EYA2: variants seen among roughly 807,000 people sequenced by gnomAD.
The protein encoded by EYA2 is EYA transcriptional coactivator and phosphatase 2, also known as protein phosphatase EYA2.
EYA2 carries 31 observed loss-of-function variants against 69.2 expected under a neutral mutation model. That is an observed-to-expected ratio of 0.45 (90% CI 0.34 to 0.60). The LOEUF is 0.60. Ranked by LOEUF, EYA2 falls within the 20% of genes least tolerant of loss-of-function variation. The pLI, the probability that EYA2 is intolerant of heterozygous loss-of-function variation, is 0.02. For synonymous variants in EYA2, 257 were observed against 279.4 expected, an observed-to-expected ratio of 0.92 and a Z score of 0.80; for missense variants, 622 against 701.2, an observed-to-expected ratio of 0.89 and a Z score of 1.28.
intron 5 of EYA2, among the ~76,000 whole-genome samples, chr20:47,058,463 G>T (rs2030739545): frequency 6.6e-6 from 1 of 152,234 alleles, no homozygotes; most frequent in South Asian, 2.1e-4. Flanking sequence ...GGGTGCGAGG[G>T]CGTTTATGGC....
intron 9 of EYA2, chr20:47,117,417 A>G: frequency 3.0e-6 from 3 of 985,344 alleles, no homozygotes; most frequent in Non-Finnish European, 3.6e-6. Context: ...GCAGATCCAG[A>G]GGCCAGGTCG....
rs749304662 is a variant in EYA2 at position 47,183,288 on chromosome 20, C to A, written c.1436-3C>A. ...TTTTTCTTTCCTTCCTGTGTGCGTG[C>A]AGGGAAGGAGAGCTGCTTCGAGAGG... is the stretch of plus-strand genomic sequence containing the variant. On this transcript the variant is annotated splice_region_variant and splice_polypyrimidine_tract_variant and intron_variant, in intron 14 of 15. Transcript: ENST00000327619. The A allele has an allele frequency of 7.4e-6, 12 of 1,613,332 alleles. No homozygotes were observed. The highest frequency in any genetic ancestry group is 1.7e-5 in the Admixed American group (1 of 59,886).
chr20:46,992,199 G>T (rs78345905), intron 2 of EYA2, among the ~76,000 whole-genome samples: 2 of 152,006 alleles, frequency 1.3e-5, no homozygotes, highest in Non-Finnish European at 2.9e-5. Context: ...ACAAACACTC[G>T]GCACTTGTCG....
chr20:46,982,933 C>A (rs951452104), intron 1 of EYA2, among the ~76,000 whole-genome samples: 1 of 151,624 alleles, frequency 6.6e-6, no homozygotes, highest in East Asian at 2.0e-4. Context: ...GCCACCACAC[C>A]TGGCTAATTT....
At chr20:47,119,027 G>A (rs1016549199) in intron 9 of EYA2, among the ~76,000 whole-genome samples, 1 of 152,152 alleles carries the variant, frequency 6.6e-6, no homozygotes, top group Non-Finnish European at 1.5e-5. Context: ...TGCTGCTCAC[G>A]ATGATAAGTG....
intron 5 of EYA2, among the ~76,000 whole-genome samples, chr20:47,028,064 G>A (rs1310879436): frequency 6.6e-6 from 1 of 152,128 alleles, no homozygotes; most frequent in African/African-American, 2.4e-5. Flanking sequence ...TCTTCAGAAT[G>A]GGATTGCTGT....
At chr20:46,953,037 C>T (rs1978898412) in intron 1 of EYA2, among the ~76,000 whole-genome samples, 1 of 152,152 alleles carries the variant, frequency 6.6e-6, no homozygotes, top group African/African-American at 2.4e-5. Context: ...CTGAGAGACC[C>T]AATATTTGAA....
intron 1 of EYA2, chr20:46,979,362 G>C (rs1980672642): frequency 1.3e-5 from 2 of 152,430 alleles, no homozygotes; most frequent in African/African-American, 4.8e-5. Context: ...CAGGCCAAGG[G>C]GGCCAGAGGG....
chr20:46,913,487 A>G (rs1042018109), intron 1 of EYA2, among the ~76,000 whole-genome samples: 1 of 152,204 alleles, frequency 6.6e-6, no homozygotes, highest in Non-Finnish European at 1.5e-5. Context: ...GAGGAAGGAC[A>G]TGATCTGCCT....
intron 10 of EYA2, among the ~76,000 whole-genome samples, chr20:47,156,613 A>G (rs1435498136): frequency 6.6e-6 from 1 of 151,896 alleles, no homozygotes; most frequent in Non-Finnish European, 1.5e-5. Context: ...CAGGAAAATA[A>G]TATGTCACTG....
intron 1 of EYA2, among the ~76,000 whole-genome samples, chr20:46,982,439 T>C (rs1357726281): frequency 6.6e-6 from 1 of 152,228 alleles, no homozygotes; most frequent in African/African-American, 2.4e-5. Flanking sequence ...TCTCTGTATT[T>C]ATCTTTGGGA....
At chr20:47,082,256 T>C (rs1310942889) in intron 7 of EYA2, among the ~76,000 whole-genome samples, 2 of 152,148 alleles carry the variant, frequency 1.3e-5, no homozygotes, top group Non-Finnish European at 2.9e-5. Flanking sequence ...AAGATATGAT[T>C]ATTTAACTTA....
intron 5 of EYA2, 57 bp downstream of exon 5, chr20:47,016,354 T>G: frequency 7.6e-7 from 1 of 1,308,298 alleles, no homozygotes; most frequent in Non-Finnish European, 1.1e-6. Flanking sequence ...CTAAGTTGGG[T>G]GTCCATTCAT....
Position 47,128,111 on chromosome 20 carries a change from G to A in EYA2, c.889-14948G>A, listed in dbSNP as rs1455681235. Among the ~76,000 whole-genome samples the A allele has an allele frequency of 2.0e-5, 3 of 152,220 alleles. No homozygotes were observed. The East Asian group carries it at 5.8e-4, about 29-fold the overall frequency. ...GAAAGGCTGGGAGCAGAGAGAGATG[G>A]TTCTGAGCCCTTCGGGGGCAGCTAA... On this transcript the variant is annotated intron_variant, in intron 9 of 15. Transcript: ENST00000327619.
intron 5 of EYA2, among the ~76,000 whole-genome samples, chr20:47,043,721 G>T (rs144940275): frequency 3.3e-5 from 5 of 152,224 alleles, no homozygotes; most frequent in African/African-American, 1.2e-4. Context: ...AAGTTAATAC[G>T]TATAAAGCTC....
intron 3 of EYA2, among the ~76,000 whole-genome samples, chr20:47,003,554 A>G (rs1420954312): frequency 6.6e-6 from 1 of 152,240 alleles, no homozygotes; most frequent in East Asian, 1.9e-4. Flanking sequence ...GTTTATGTGC[A>G]TGCCTGCATG....
intron 3 of EYA2, 80 bp from the exon 4 acceptor site, chr20:47,004,862 A>AT (rs777667156): frequency 6.3e-7 from 1 of 1,589,592 alleles, no homozygotes; most frequent in South Asian, 1.1e-5. Flanking sequence ...CCAAAGAAAA[A>AT]TGGGGGTGTT....
chr20:47,154,620 T>C (rs1175124102), intron 10 of EYA2, among the ~76,000 whole-genome samples: 1 of 151,770 alleles, frequency 6.6e-6, no homozygotes, highest in Non-Finnish European at 1.5e-5. Context: ...AGTAAGAATT[T>C]AGGAGCTCGT....
chr20:47,001,595 T>G (rs1222143453), intron 3 of EYA2, 122 bp downstream of exon 3: 2 of 1,025,918 alleles, frequency 1.9e-6, no homozygotes, highest in Non-Finnish European at 3.0e-6. Context: ...GCCGTAGCAC[T>G]TCCTAGCTGA....
Sources: gnomAD v4.1 joint callset for allele counts (sites outside exome capture counted in the v4.1 genomes callset) on GRCh38, gnomAD v4.1.1 for gene constraint, MANE v1.5 for transcripts, NCBI Gene and HGNC (gene_info 2026-07-23, HGNC 2026-07-21) for gene names.